The following TTBK2 variants were observed in gnomAD, a reference collection of about 807,000 sequenced individuals.
TTBK2 encodes the protein tau tubulin kinase 2, also known as tau-tubulin kinase 2.
Under a neutral mutation model 110.8 loss-of-function variants are expected in TTBK2, and 28 were observed. That is an observed-to-expected ratio of 0.25 (90% CI 0.19 to 0.35). The LOEUF (loss-of-function observed/expected upper bound fraction) is 0.35. Among genes scored for constraint, TTBK2 ranks in the 10% least tolerant of loss-of-function variants. The probability of loss-of-function intolerance (pLI) is 1.00; values close to 1 mark genes in which losing one functional copy is unlikely to be tolerated. For missense variants in TTBK2, 1,369 were observed against 1,500.3 expected (o/e 0.91, Z 1.45); for synonymous variants, 532 against 527.3 (o/e 1.01, Z -0.12).
At position 42,821,091 on chromosome 15, in the gene TTBK2, C is replaced by G. The variant is rs562858164; in HGVS notation, c.538-3994G>C. On this transcript the variant is annotated intron_variant, in intron 6 of 14. Transcript: ENST00000267890. ...GTTCTATATACTAACATGGAAAGAT[C>G]GTCTACATACACTGACAAGTGAAAA... Among the ~76,000 whole-genome samples, 31 of 151,574 alleles carry G rather than the reference C, an allele frequency of 2.0e-4. 1 individual carries two copies. In the South Asian group the frequency reaches 6.5e-3, roughly 32 times the overall value.
At chr15:42,816,723 G>A (rs1892044702) in intron 7 of TTBK2, among the ~76,000 whole-genome samples, 1 of 151,914 alleles carries the variant, frequency 6.6e-6, no homozygotes, top group Non-Finnish European at 1.5e-5. Context: ...TTTGAGACCA[G>A]CCTGGCCAAC....
rs567972612 is a variant in TTBK2, at chr15:42,766,446, C to CAA, written c.1998+8687_1998+8688dup. Among the ~76,000 whole-genome samples the CAA allele has an allele frequency of 8.8e-4, 27 of 30,834 alleles. 1 individual carries two copies. Among genetic ancestry groups the CAA allele is most frequent in the South Asian group, 3.0e-3 (3 of 994 alleles). The allele number at this position is 30,834 out of a possible 152,430, so 20.2% of individuals were successfully genotyped here. A position where few individuals can be genotyped will look rare whatever the true frequency, so the allele number is the denominator to read the frequency against. On this transcript the variant is annotated intron_variant, in intron 13 of 14. Coordinates refer to ENST00000267890, the MANE Select transcript of TTBK2 (RefSeq NM_173500.4). Reference sequence around the variant, plus strand: ...GAAGATCTACCAAGCGAATGGAAAGCAAAAAAAAAAAAAAAAAAAAAGCAA... The same window carrying CAA: ...GAAGATCTACCAAGCGAATGGAAAGCAAAAAAAAAAAAAAAAAAAAAAAGCAA...
chr15:42,919,798 G>A, intron 1 of TTBK2: 5 of 985,378 alleles, frequency 5.1e-6, no homozygotes, highest in Non-Finnish European at 6.0e-6. Flanking sequence ...TAACTTCGCT[G>A]TAGAATAAAG....
chr15:42,801,526 A>G (rs978695167), intron 9 of TTBK2: 20 of 765,752 alleles, frequency 2.6e-5, no homozygotes, highest in African/African-American at 2.6e-4. Flanking sequence ...GGTCATCCCC[A>G]TGCTTCTGAC....
At chr15:42,813,438 C>T (rs1891807542) in intron 7 of TTBK2, among the ~76,000 whole-genome samples, 2 of 152,014 alleles carry the variant, frequency 1.3e-5, no homozygotes, top group South Asian at 4.1e-4. Context: ...GGGAGGGCTG[C>T]TTGAGCCCAG....
chr15:42,823,191 C>T (rs1892381692), intron 6 of TTBK2, among the ~76,000 whole-genome samples: 1 of 152,160 alleles, frequency 6.6e-6, no homozygotes, highest in Admixed American at 6.5e-5. Flanking sequence ...GAAAACATGT[C>T]ACTCCAAGAG....
At chr15:42,750,125 G>A (rs924041943) in intron 14 of TTBK2, among the ~76,000 whole-genome samples, 6 of 151,798 alleles carry the variant, frequency 4.0e-5, no homozygotes, top group South Asian at 4.2e-4. Flanking sequence ...AGCAAATCCC[G>A]AAGAAAGGGG....
intron 6 of TTBK2, among the ~76,000 whole-genome samples, chr15:42,824,161 A>C (rs1892428923): frequency 6.6e-6 from 1 of 152,146 alleles, no homozygotes; most frequent in Non-Finnish European, 1.5e-5. Context: ...TGCGTGATCC[A>C]TCCCACGACC....
intron 13 of TTBK2, among the ~76,000 whole-genome samples, chr15:42,768,517 T>A (rs1157425368): frequency 2.0e-5 from 3 of 152,048 alleles, no homozygotes; most frequent in Non-Finnish European, 4.4e-5. Context: ...CAACTGCTAC[T>A]AAGAGAATAA....
intron 3 of TTBK2, among the ~76,000 whole-genome samples, chr15:42,852,346 G>A (rs1445136704): frequency 6.6e-6 from 1 of 152,160 alleles, no homozygotes; most frequent in Non-Finnish European, 1.5e-5. Context: ...TGGGATTACA[G>A]GCGTGAGCCA....
chr15:42,779,043 A>G (rs1890064792), intron 11 of TTBK2, among the ~76,000 whole-genome samples: 1 of 152,224 alleles, frequency 6.6e-6, no homozygotes. Flanking sequence ...AAAAAGAAAA[A>G]AACAATTAGA....
Position 42,783,476 on chromosome 15 carries a change from C to T in TTBK2, c.1140G>A (p.Lys380=). The change falls in exon 11 of 15, where the codon AAG becomes AAA. Residue 380 remains lysine, a synonymous_variant. Coordinates refer to ENST00000267890, the MANE Select transcript of TTBK2 (RefSeq NM_173500.4). ...TGGCATCCATCTCTTCCCAAACATC[C>T]TTCTCCTGGGGACGGGGGTGTCCCA... is the stretch of plus-strand genomic sequence containing the variant. ...GSLGHPRPQE[K]DVWEEMDANK... 1 of 1,614,168 alleles carries T rather than the reference C, an allele frequency of 6.2e-7. No homozygotes were observed. The highest frequency in any genetic ancestry group is 1.1e-5 in the South Asian group (1 of 91,082).
chr15:42,821,351 C>G (rs74958720), intron 6 of TTBK2, among the ~76,000 whole-genome samples: 2,435 of 152,194 alleles, frequency 0.016, 65 homozygotes, highest in African/African-American at 0.055. Context: ...ATTTATTTCA[C>G]TGTTAACTTT....
chr15:42,893,433 C>T (rs978470506), intron 1 of TTBK2, among the ~76,000 whole-genome samples: 1 of 151,896 alleles, frequency 6.6e-6, no homozygotes, highest in African/African-American at 2.4e-5. Flanking sequence ...AAGGTTGAGG[C>T]TCCAATGAGG....
intron 3 of TTBK2, among the ~76,000 whole-genome samples, chr15:42,862,489 T>C (rs1309440416): frequency 1.3e-5 from 2 of 152,090 alleles, no homozygotes; most frequent in South Asian, 2.1e-4. Flanking sequence ...AAAAACCATA[T>C]AGTCATCTCA....
Position 42,790,408 on chromosome 15 carries a change from C to T in TTBK2, c.980+4236G>A, listed in dbSNP as rs1023046104. On this transcript the variant is annotated intron_variant, in intron 10 of 14. Coordinates refer to ENST00000267890, the MANE Select transcript of TTBK2 (RefSeq NM_173500.4). ...CAAGCCATTCTCCAGCCTCAGCCTT[C>T]GGAGTAGCTGGGACTATAGGTGCAC... is the stretch of plus-strand genomic sequence containing the variant. Among the ~76,000 whole-genome samples the T allele has an allele frequency of 7.9e-5, 12 of 151,410 alleles. No individual in the cohort carries two copies. In the East Asian group the frequency reaches 9.7e-4, roughly 12 times the overall value.
chr15:42,752,305 G>C lies in TTBK2; in HGVS notation c.2941C>G (p.Leu981Val), dbSNP rs180791005. 2,170 of 1,614,220 alleles carry C rather than the reference G, an allele frequency of 1.3e-3. No homozygotes were observed. Among genetic ancestry groups the C allele is most frequent in the Non-Finnish European group, 1.6e-3 (1,943 of 1,180,040 alleles). ...TTGAATTGTCTTTTTTCCACCAGAA[G>C]CTTGACTAGGTCTGGCTGATAGGCT... ...KKAYQPDLVK[L>V]LVEKRQFKSF... Residue 981 changes from leucine to valine, a missense_variant, in exon 14 of 15, where the codon CTT (leucine) becomes GTT (valine). Leu to Val is a conservative substitution (Grantham distance 32, BLOSUM62 1). Transcript: ENST00000267890.
At chr15:42,784,401 C>T (rs1890317394) in intron 10 of TTBK2, among the ~76,000 whole-genome samples, 1 of 151,988 alleles carries the variant, frequency 6.6e-6, no homozygotes, top group South Asian at 2.1e-4. Context: ...CCTCAGCCTC[C>T]TGAGTAGCTG....
At chr15:42,748,563 G>A (rs1362933223) in intron 14 of TTBK2, among the ~76,000 whole-genome samples, 4 of 152,116 alleles carry the variant, frequency 2.6e-5, no homozygotes, top group Admixed American at 2.6e-4. Flanking sequence ...TGGGAATACA[G>A]CTGTGTAGCA....
Sources: gnomAD v4.1 joint callset for allele counts (sites outside exome capture counted in the v4.1 genomes callset) on GRCh38, gnomAD v4.1.1 for gene constraint, MANE v1.5 for transcripts, NCBI Gene and HGNC (gene_info 2026-07-23, HGNC 2026-07-21) for gene names.